The following RPN2 variants were observed in gnomAD, a reference collection of about 807,000 sequenced individuals.
RPN2 encodes ribophorin II.
Under a neutral mutation model 71.4 loss-of-function variants are expected in RPN2, and 29 were observed. The ratio of observed to expected loss-of-function variants is 0.41; its 90% CI spans 0.30 to 0.55. The LOEUF is 0.55. Ranked by LOEUF, RPN2 falls within the 20% of genes least tolerant of loss-of-function variation. The pLI, the probability that RPN2 is intolerant of heterozygous loss-of-function variation, is 0.35. For missense variants in RPN2, 726 were observed against 774.1 expected, an observed-to-expected ratio of 0.94 and a Z score of 0.74; for synonymous variants, 308 against 305.0, an observed-to-expected ratio of 1.01 and a Z score of -0.10.
intron 6 of RPN2, among the ~76,000 whole-genome samples, chr20:37,205,682 T>A (rs779480144): frequency 3.9e-5 from 6 of 152,224 alleles, no homozygotes; most frequent in Admixed American, 2.0e-4. Flanking sequence ...ATTTTCTCCA[T>A]GTGGTCAAAT....
At chr20:37,198,353 C>T (rs760750350) in intron 2 of RPN2, 44 bp from the exon 3 acceptor site, 1 of 1,614,118 alleles carries the variant, frequency 6.2e-7, no homozygotes, top group South Asian at 1.1e-5. Flanking sequence ...TCCTGGTTCA[C>T]TACATGTGTC....
rs766325221 is a variant in RPN2, at chr20:37,184,230, G to A, written c.64G>A (p.Ala22Thr). ...LALTIIASTW[A>T]LTPTHYLTKH... ...CCTGACAATCATAGCCAGCACCTGG[G>A]CTCTGACGCCCACTCACTACCTCAC... Residue 22 changes from alanine (A) to threonine (T), a missense_variant, in exon 2 of 17, where the codon GCT (alanine) becomes ACT (threonine). Ala to Thr is a moderately conservative substitution (Grantham distance 58). Coordinates refer to ENST00000237530, the MANE Select transcript of RPN2 (RefSeq NM_002951.5). 17 of 1,614,028 alleles carry A rather than the reference G, an allele frequency of 1.1e-5. No homozygotes were observed. In the Admixed American group the frequency reaches 2.5e-4, roughly 24 times the overall value.
At chr20:37,215,792 T>C (rs1568985693) in intron 9 of RPN2, among the ~76,000 whole-genome samples, 1 of 152,210 alleles carries the variant, frequency 6.6e-6, no homozygotes, top group Non-Finnish European at 1.5e-5. Context: ...TATGAAAAGG[T>C]ATCTTGTTTT....
At chr20:37,186,359 G>A (rs533025419) in intron 2 of RPN2, among the ~76,000 whole-genome samples, 2 of 152,300 alleles carry the variant, frequency 1.3e-5, no homozygotes, top group Admixed American at 6.5e-5. Context: ...TCTTGTATTA[G>A]CATGGAAATG....
At position 37,184,180 on chromosome 20, in the gene RPN2, G is replaced by C; in HGVS notation, c.14G>C (p.Gly5Ala). MAPP[G>A]SSTVFLLALT... ...TACTGAATGGTTGTTTCCCCCCAAG[G>C]TTCAAGCACTGTCTTCCTGTTGGCC... is the stretch of plus-strand genomic sequence containing the variant. Residue 5 changes from glycine (G) to alanine (A), a missense_variant and splice_region_variant, in exon 2 of 17, where the codon GGT becomes GCT. Gly to Ala is a moderately conservative substitution (Grantham distance 60). Transcript: ENST00000237530. 6.2e-7 allele frequency: 1 copy of C among 1,614,118 alleles called. No homozygotes were observed. The highest frequency in any genetic ancestry group is 8.5e-7 in the Non-Finnish European group (1 of 1,180,030).
intron 4 of RPN2, among the ~76,000 whole-genome samples, chr20:37,201,849 G>A (rs952366237): frequency 1.3e-5 from 2 of 152,114 alleles, no homozygotes; most frequent in Non-Finnish European, 2.9e-5. Context: ...TTGTAAACTT[G>A]TCTTGAATGG....
At chr20:37,231,273 G>A (rs1310910645) in intron 13 of RPN2, among the ~76,000 whole-genome samples, 10 of 151,916 alleles carry the variant, frequency 6.6e-5, no homozygotes, top group Non-Finnish European at 1.3e-4. Context: ...CCTAAACGGA[G>A]GTCTCCAGAA....
chr20:37,182,840 A>G lies in RPN2; in HGVS notation c.14-1340A>G, dbSNP rs117399321. 3.6e-3 allele frequency among the ~76,000 whole-genome samples: 542 copies of G among 152,354 alleles called. 4 individuals carry two copies. The highest frequency in any genetic ancestry group is 6.6e-3 in the Non-Finnish European group (449 of 68,034). Reference sequence around the variant, plus strand: ...AATGCACTTTATCAAGAAGCAGCCCATTCAAAAGTGTTTTTTGTTTTGTTT... The same window carrying G: ...AATGCACTTTATCAAGAAGCAGCCCGTTCAAAAGTGTTTTTTGTTTTGTTT... On this transcript the variant is annotated intron_variant, in intron 1 of 16. Coordinates refer to ENST00000237530, the MANE Select transcript of RPN2 (RefSeq NM_002951.5).
At chr20:37,226,579 C>A (rs1230111915) in intron 11 of RPN2, among the ~76,000 whole-genome samples, 1 of 152,112 alleles carries the variant, frequency 6.6e-6, no homozygotes, top group Non-Finnish European at 1.5e-5. Context: ...CAAAAGAAGA[C>A]CCAAAGCATT....
chr20:37,198,495 G>A lies in RPN2; in HGVS notation c.303+3G>A. On this transcript the variant is annotated splice_donor_region_variant and intron_variant, in intron 3 of 16. Transcript: ENST00000237530. ...GCCAGGCCCTCTCAGGATGTGAGGT[G>A]AGTCCGGGTTCCTACGCTGACAATG... 1 of 1,614,196 alleles carries A rather than the reference G, an allele frequency of 6.2e-7. No homozygotes were observed. Among genetic ancestry groups the A allele is most frequent in the Non-Finnish European group, 8.5e-7 (1 of 1,180,040 alleles).
intron 6 of RPN2, among the ~76,000 whole-genome samples, chr20:37,206,737 CT>C (rs938049730): frequency 6.6e-6 from 1 of 151,912 alleles, no homozygotes; most frequent in African/African-American, 2.4e-5. Flanking sequence ...CAGACAGAGT[CT>C]TTCTCTGTCG....
At chr20:37,211,300 G>T (rs925133430) in intron 8 of RPN2, among the ~76,000 whole-genome samples, 1 of 151,180 alleles carries the variant, frequency 6.6e-6, no homozygotes, top group Non-Finnish European at 1.5e-5. Flanking sequence ...CTCCCAAAGT[G>T]CTGGGATTAC....
intron 1 of RPN2, chr20:37,179,597 G>A (rs1264164960): frequency 1.3e-5 from 15 of 1,152,890 alleles, no homozygotes; most frequent in Non-Finnish European, 1.2e-6. Flanking sequence ...GCAGCGCGGA[G>A]CTACGGGTCG....
intron 16 of RPN2, chr20:37,238,569 C>G (rs2068466015): frequency 6.6e-6 from 5 of 762,206 alleles, no homozygotes; most frequent in Non-Finnish European, 1.2e-5. Context: ...CCTCCCTAAG[C>G]CACAGCTGAA....
At chr20:37,222,654 A>G (rs997462199) in intron 9 of RPN2, among the ~76,000 whole-genome samples, 1 of 152,206 alleles carries the variant, frequency 6.6e-6, no homozygotes, top group Non-Finnish European at 1.5e-5. Flanking sequence ...GACTTAGACT[A>G]TAAACCAGTG....
chr20:37,213,864 A>C lies in RPN2; in HGVS notation c.1091A>C (p.Glu364Ala). The change falls in exon 9 of 17, where the codon GAG (glutamate) becomes GCG (alanine). Residue 364 changes from glutamate (E) to alanine (A), a missense_variant and splice_region_variant. Physicochemically the swap from Glu to Ala is moderately radical, Grantham distance 107 (BLOSUM62 -1). Coordinates refer to ENST00000237530, the MANE Select transcript of RPN2 (RefSeq NM_002951.5). ...GDNRYIANTV[E>A]LRVKISTEVG... ...AACCGGTATATTGCAAATACCGTAG[A>C]GGTAGGTGTTTTTCTTTCCTTCCCA... is the stretch of plus-strand genomic sequence containing the variant. The C allele has an allele frequency of 6.2e-7, 1 of 1,605,524 alleles. No homozygotes were observed. Among genetic ancestry groups the C allele is most frequent in the South Asian group, 1.1e-5 (1 of 90,930 alleles).
intron 14 of RPN2, among the ~76,000 whole-genome samples, chr20:37,233,326 T>A (rs1243594553): frequency 1.3e-5 from 2 of 152,210 alleles, no homozygotes; most frequent in Non-Finnish European, 2.9e-5. Flanking sequence ...TCCTTTTCAG[T>A]ACCATTTGAA....
chr20:37,239,834 C>T (rs80038315), intron 16 of RPN2, among the ~76,000 whole-genome samples: 13,449 of 152,184 alleles, frequency 0.088, 697 homozygotes, highest in Non-Finnish European at 0.12. Context: ...ATTATAGTCA[C>T]TCTGTCTGAG....
At chr20:37,217,877 G>T (rs1302285878) in intron 9 of RPN2, among the ~76,000 whole-genome samples, 9 of 152,038 alleles carry the variant, frequency 5.9e-5, no homozygotes, top group Admixed American at 4.6e-4. Context: ...GAGATTACAG[G>T]TACACGCCAC....
Sources: gnomAD v4.1 joint callset for allele counts (sites outside exome capture counted in the v4.1 genomes callset) on GRCh38, gnomAD v4.1.1 for gene constraint, MANE v1.5 for transcripts, NCBI Gene and HGNC (gene_info 2026-07-23, HGNC 2026-07-21) for gene names.